Variants in DLG5 observed in about 807,000 individuals in gnomAD.
DLG5 encodes disks large homolog 5.
A neutral mutation model predicts 189.8 loss-of-function variants in DLG5; 48 were observed. The ratio of observed to expected loss-of-function variants is 0.25; its 90% CI spans 0.20 to 0.32. DLG5 has a LOEUF of 0.32. Ranked by LOEUF, DLG5 falls within the 10% of genes least tolerant of loss-of-function variation. DLG5 has a pLI of 1.00. For missense variants in DLG5, 2,160 were observed against 2,544.7 expected, an observed-to-expected ratio of 0.85 and a Z score of 3.25; for synonymous variants, 1,016 against 1,054.1, an observed-to-expected ratio of 0.96 and a Z score of 0.70.
intron 1 of DLG5, among the ~76,000 whole-genome samples, chr10:77,901,114 CAAAAAAA>C (rs34724408): frequency 7.2e-4 from 38 of 52,726 alleles, no homozygotes; most frequent in Middle Eastern, 9.8e-3. Flanking sequence ...AACTCCATCT[CAAAAAAA>C]AAAAAAAAAA....
At chr10:77,865,840 G>A (rs949572275) in intron 2 of DLG5, among the ~76,000 whole-genome samples, 2 of 152,124 alleles carry the variant, frequency 1.3e-5, no homozygotes, top group African/African-American at 2.4e-5. Flanking sequence ...AAGGTGTGGC[G>A]AGTTGTGAGT....
At chr10:77,857,151 G>A (rs981909743) in intron 2 of DLG5, among the ~76,000 whole-genome samples, 12 of 152,058 alleles carry the variant, frequency 7.9e-5, no homozygotes, top group Admixed American at 4.6e-4. Flanking sequence ...CTGAAGACGC[G>A]CACTCTCTCC....
At chr10:77,913,279 T>TGGG (rs1336923303) in intron 1 of DLG5, among the ~76,000 whole-genome samples, 1 of 152,112 alleles carries the variant, frequency 6.6e-6, no homozygotes, top group Non-Finnish European at 1.5e-5. Context: ...ACAACCGGCC[T>TGGG]GGGCAAGGGG....
intron 2 of DLG5, 42 bp downstream of exon 2, chr10:77,869,087 C>T: frequency 6.3e-7 from 1 of 1,586,374 alleles, no homozygotes. Flanking sequence ...TTCACCCAGA[C>T]CCCTGGCCCA....
At chr10:77,807,107 G>A (rs1391213312) in intron 25 of DLG5, among the ~76,000 whole-genome samples, 179 bp from the exon 26 acceptor site, 5 of 152,126 alleles carry the variant, frequency 3.3e-5, no homozygotes, top group Non-Finnish European at 5.9e-5. Context: ...TTACATAAAG[G>A]GGCAAAGACT....
At chr10:77,897,192 C>A (rs1390208922) in intron 1 of DLG5, among the ~76,000 whole-genome samples, 1 of 151,824 alleles carries the variant, frequency 6.6e-6, no homozygotes, top group Non-Finnish European at 1.5e-5. Flanking sequence ...CCCATCTCTA[C>A]TAAAAATACA....
chr10:77,930,903 C>T (rs903540166), upstream of DLG5, among the ~76,000 whole-genome samples: 2 of 150,374 alleles, frequency 1.3e-5, no homozygotes, highest in Admixed American at 1.3e-4. Context: ...TCACCGCAAC[C>T]TCCACCTTCC....
intron 1 of DLG5, among the ~76,000 whole-genome samples, chr10:77,911,364 G>A (rs1196919887): frequency 6.6e-6 from 1 of 152,128 alleles, no homozygotes; most frequent in African/African-American, 2.4e-5. Context: ...CAAGCAATCC[G>A]CCTGCCTCCC....
rs1278010639 is a variant in DLG5 at position 77,802,072 on chromosome 10, G to C, written c.5164+3593C>G. Among the ~76,000 whole-genome samples the C allele has an allele frequency of 2.0e-5, 3 of 152,226 alleles. No homozygotes were observed. In the East Asian group the frequency reaches 5.8e-4, roughly 29 times the overall value. ...AGCAAAGGCTTGGCAGCAGCCACCA[G>C]AAGCTGGGAGGGGCAAGGAACAGGC... On this transcript the variant is annotated intron_variant, in intron 27 of 31. Coordinates refer to ENST00000372391, the MANE Select transcript of DLG5 (RefSeq NM_004747.4).
At chr10:77,838,592 G>A (rs1029179299) in intron 7 of DLG5, among the ~76,000 whole-genome samples, 5 of 152,206 alleles carry the variant, frequency 3.3e-5, no homozygotes, top group Admixed American at 6.5e-5. Flanking sequence ...AAGGGAGAGA[G>A]GGCATAGAGA....
Position 77,796,251 on chromosome 10 carries a change from C to T in DLG5, c.5309-63G>A. The T allele has an allele frequency of 6.2e-7, 1 of 1,611,926 alleles. No individual in the cohort carries two copies. On this transcript the variant is annotated intron_variant, in intron 28 of 31. Coordinates refer to ENST00000372391, the MANE Select transcript of DLG5 (RefSeq NM_004747.4). The surrounding 1 kb of genome is among the most constrained non-coding windows in gnomAD (Gnocchi z 5.2). ...CCCTGCTGAGCCCCAGCAGAGGGAG[C>T]AGGGGAAGAACACTGCTCAGCAGCT...
At chr10:77,809,876 T>C (rs1467916961) in intron 23 of DLG5, 146 bp from the exon 24 acceptor site, 3 of 942,182 alleles carry the variant, frequency 3.2e-6, no homozygotes, top group Non-Finnish European at 3.1e-6. Flanking sequence ...CTAGTTCTAC[T>C]GGCTCGGCGT....
intron 2 of DLG5, chr10:77,868,288 C>A (rs1275854107): frequency 2.7e-6 from 1 of 365,584 alleles, no homozygotes; most frequent in Admixed American, 3.4e-5. Context: ...AACTGTTTCC[C>A]ACCAAAAGAC....
chr10:77,882,057 C>G lies in DLG5; in HGVS notation c.305-12860G>C, dbSNP rs1477437476. 3.3e-5 allele frequency among the ~76,000 whole-genome samples: 5 copies of G among 152,236 alleles called. 1 individual carries two copies. Among genetic ancestry groups the G allele is most frequent in the African/African-American group, 1.2e-4 (5 of 41,466 alleles). On this transcript the variant is annotated intron_variant, in intron 1 of 31. Transcript: ENST00000372391. ...GGCTGCATTGAGAATCACTGACCACCAAGGCAACTCAGCCTGGGTCTGTAG... is the reference window on the plus strand; with the variant it reads ...GGCTGCATTGAGAATCACTGACCACGAAGGCAACTCAGCCTGGGTCTGTAG...
intron 11 of DLG5, among the ~76,000 whole-genome samples, 159 bp downstream of exon 11, chr10:77,830,058 G>A (rs1426064569): frequency 6.6e-6 from 1 of 152,122 alleles, no homozygotes; most frequent in South Asian, 2.1e-4. Context: ...TGTTTCTTTC[G>A]GAGCATTATT....
chr10:77,913,154 G>C (rs555626430), intron 1 of DLG5, among the ~76,000 whole-genome samples: 3 of 152,252 alleles, frequency 2.0e-5, no homozygotes, highest in South Asian at 4.2e-4. Context: ...TTAATTGTTT[G>C]CATCAGCCCT....
Position 77,812,481 on chromosome 10 carries a change from C to T in DLG5, c.4026-104G>A, listed in dbSNP as rs1424943617. ...TATGATCTGACAGTGCAGAAAGGGC[C>T]CCGAGCCTGGATGCTCCCATTGTGA... On this transcript the variant is annotated intron_variant, in intron 20 of 31. Transcript: ENST00000372391. 3 of 1,354,256 alleles carry T rather than the reference C, an allele frequency of 2.2e-6. No homozygotes were observed. The African/African-American group carries it at 4.3e-5, about 20-fold the overall frequency. The allele number at this position is 1,354,256 out of a possible 1,614,324, so 83.9% of individuals were successfully genotyped here.
the DLG5 span, among the ~76,000 whole-genome samples, chr10:77,934,119 C>T: frequency 7.3e-3 from 1,103 of 152,002 alleles, 34 homozygotes; most frequent in Non-Finnish European, 3.8e-3. Context: ...ACCTGTAATT[C>T]CAGCATTTTG....
chr10:77,877,807 G>A (rs1845147638), intron 1 of DLG5, among the ~76,000 whole-genome samples: 1 of 152,176 alleles, frequency 6.6e-6, no homozygotes, highest in Non-Finnish European at 1.5e-5. Flanking sequence ...GGGGGACAAC[G>A]AACATAGCCA....
Sources: allele counts gnomAD v4.1 joint callset (sites outside exome capture counted in the v4.1 genomes callset), GRCh38; gene constraint gnomAD v4.1.1; non-coding constraint Gnocchi (gnomAD v3.1); transcripts MANE v1.5; gene names NCBI Gene and HGNC (gene_info 2026-07-23, HGNC 2026-07-21).